Variants in IGHMBP2 observed in about 807,000 individuals in gnomAD.
The protein encoded by IGHMBP2 is DNA-binding protein SMUBP-2.
Under a neutral mutation model 96.0 loss-of-function variants are expected in IGHMBP2, and 81 were observed. That is an observed-to-expected ratio of 0.84 (90% CI 0.71 to 1.01). IGHMBP2 has a LOEUF of 1.01. IGHMBP2 is among the 50% of genes least tolerant of loss of function. The pLI, the probability that IGHMBP2 is intolerant of heterozygous loss-of-function variation, is 0.00. For missense variants in IGHMBP2, 1,227 were observed against 1,306.3 expected, an observed-to-expected ratio of 0.94 and a Z score of 0.94; for synonymous variants, 557 against 548.9, an observed-to-expected ratio of 1.01 and a Z score of -0.21.
rs370988994 is a variant in IGHMBP2 at position 68,914,979 on chromosome 11, G to A, written c.868G>A (p.Ala290Thr). 2.5e-6 allele frequency: 4 copies of A among 1,614,102 alleles called. No individual in the cohort carries two copies. The highest frequency in any genetic ancestry group is 3.4e-6 in the Non-Finnish European group (4 of 1,180,030). Residue 290 changes from alanine to threonine, a missense_variant, in exon 6 of 15, where the codon GCC becomes ACC. Around this residue, in one of 3 missense-constraint regions of IGHMBP2, gnomAD observed 507 missense variants for 496.9 expected, o/e 1.02. Coordinates refer to ENST00000255078, the MANE Select transcript of IGHMBP2 (RefSeq NM_002180.3). ...TGCGGTTTTAGCGCGGAGCGACAGTGCCCAGATTGTTGCAGATATCAGGAA... is the reference window on the plus strand; with the variant it reads ...TGCGGTTTTAGCGCGGAGCGACAGTACCCAGATTGTTGCAGATATCAGGAA... The part of the protein sequence containing the change: ...LDAVLARSDS[A>T]QIVADIRKDI...
chr11:68,908,168 G>A lies in IGHMBP2; in HGVS notation c.280G>A (p.Ala94Thr). 3 of 1,614,024 alleles carry A rather than the reference G, an allele frequency of 1.9e-6. No homozygotes were observed. The highest frequency in any genetic ancestry group is 1.6e-4 in the Middle Eastern group (1 of 6,062). ...TSGDIVGLYD[A>T]ANEGSQLATG... ...AGGTGATATCGTGGGCCTGTACGAT[G>A]CTGCTAATGAGGGCAGTCAGCTGGC... The change falls in exon 3 of 15, where the codon GCT becomes ACT. Residue 94 changes from alanine (A) to threonine (T), a missense_variant. Physicochemically the swap from Ala to Thr is moderately conservative, Grantham distance 58. This residue lies in a region of IGHMBP2 where 507 missense variants were observed against 496.9 expected (regional missense o/e 1.02). Coordinates refer to ENST00000255078, the MANE Select transcript of IGHMBP2 (RefSeq NM_002180.3).
rs1859395264 is a variant in IGHMBP2, at chr11:68,933,429, A to G, written c.1366A>G (p.Met456Val). 1 of 1,613,218 alleles carries G rather than the reference A, an allele frequency of 6.2e-7. No homozygotes were observed. The highest frequency in any genetic ancestry group is 1.7e-5 in the Admixed American group (1 of 59,972). ...TATCATGCGCTGGGCCTCAGACACC[A>G]TGTACCTTGGGCAGCTCACAGCCCA... ...QAIMRWASDTMYLGQLTAHSS... is the reference protein window; with the variant it reads ...QAIMRWASDTVYLGQLTAHSS... The change falls in exon 9 of 15, where the codon ATG (methionine) becomes GTG (valine). Residue 456 changes from methionine (M) to valine (V), a missense_variant. Met to Val is a conservative substitution (Grantham distance 21, BLOSUM62 1). Transcript: ENST00000255078.
In IGHMBP2 at chr11:68,903,903, C is replaced by T; in HGVS notation, c.-50C>T. ...ACACCGGTCCGCTGTAACACCGGCC[C>T]GGCGCAGAAGCGGGACGTCGGCTTC... On this transcript the variant is annotated 5_prime_UTR_variant, in exon 1 of 15. Transcript: ENST00000255078. 1.9e-6 allele frequency: 3 copies of T among 1,606,570 alleles called. No homozygotes were observed. Among genetic ancestry groups the T allele is most frequent in the Non-Finnish European group, 1.7e-6 (2 of 1,175,990 alleles).
At chr11:68,930,572 G>A in intron 8 of IGHMBP2, 1 of 1,149,822 alleles carries the variant, frequency 8.7e-7, no homozygotes, top group Non-Finnish European at 1.1e-6. Context: ...GACACATGGG[G>A]ATCTAGAGTG....
At position 68,903,988 on chromosome 11, in the gene IGHMBP2, G is replaced by A; in HGVS notation, c.36G>A (p.Lys12=). Residue 12 remains lysine, a synonymous_variant, in exon 1 of 15, where the codon AAG becomes AAA. Coordinates refer to ENST00000255078, the MANE Select transcript of IGHMBP2 (RefSeq NM_002180.3). ...ASAAVESFVT[K]QLDLLELERD... is the part of the protein sequence containing the mutation. The stretch of plus-strand genomic sequence containing the variant: ...CAGCTGTGGAGAGCTTCGTGACCAA[G>A]CAACTGGACCTGCTGGAGCTTGAGA... 1.3e-6 allele frequency: 2 copies of A among 1,553,274 alleles called. No individual in the cohort carries two copies. Among genetic ancestry groups the A allele is most frequent in the Non-Finnish European group, 1.7e-6 (2 of 1,148,350 alleles).
Position 68,914,866 on chromosome 11 carries a change from T to C in IGHMBP2, c.755T>C (p.Val252Ala). ...APSNIAVDNL[V>A]ERLALCKQRI... The stretch of plus-strand genomic sequence containing the variant: ...TCCAACATCGCCGTGGACAATCTGG[T>C]GGAGCGCCTGGCTCTGTGTAAGCAG... Residue 252 changes from valine (V) to alanine (A), a missense_variant, in exon 6 of 15, where the codon GTG (valine) becomes GCG (alanine). Coordinates refer to ENST00000255078, the MANE Select transcript of IGHMBP2 (RefSeq NM_002180.3). 1 of 1,614,258 alleles carries C rather than the reference T, an allele frequency of 6.2e-7. No individual in the cohort carries two copies.
chr11:68,915,248 C>T (rs1166347673), intron 6 of IGHMBP2, among the ~76,000 whole-genome samples: 16 of 127,008 alleles, frequency 1.3e-4, no homozygotes, highest in Non-Finnish European at 2.0e-4. Context: ...GGTGCAATCT[C>T]GGCTCACTGC....
intron 13 of IGHMBP2, chr11:68,937,674 G>A (rs575138933): frequency 6.4e-5 from 15 of 234,244 alleles, no homozygotes; most frequent in Admixed American, 4.1e-4. Flanking sequence ...CTGGCAGAGC[G>A]TGTAGCGGTC....
chr11:68,937,963 T>C (rs955455872), intron 13 of IGHMBP2: 2 of 590,228 alleles, frequency 3.4e-6, no homozygotes, highest in East Asian at 5.8e-5. Flanking sequence ...GCTTTTTAAT[T>C]TTTTTTAGAA....
Position 68,940,010 on chromosome 11 carries a change from C to T in IGHMBP2, c.*279C>T. On this transcript the variant is annotated 3_prime_UTR_variant, in exon 15 of 15. Transcript: ENST00000255078. Reference sequence around the variant, plus strand: ...TTACTCCCCGCCAAAACCCACATCCCAGCCTCTGGATCCTGGGGAAGGTTC... The same window carrying T: ...TTACTCCCCGCCAAAACCCACATCCTAGCCTCTGGATCCTGGGGAAGGTTC... 2.1e-6 allele frequency: 1 copy of T among 484,224 alleles called. No homozygotes were observed. The allele number at this position is 484,224 out of a possible 1,614,324, so 30.0% of individuals were successfully genotyped here.
chr11:68,904,619 G>A (rs1858103165), intron 1 of IGHMBP2, among the ~76,000 whole-genome samples: 1 of 152,046 alleles, frequency 6.6e-6, no homozygotes, highest in Non-Finnish European at 1.5e-5. Flanking sequence ...GGTGGGTGCG[G>A]AGTAGGGTGG....
At chr11:68,910,342 T>C (rs979207996) in intron 4 of IGHMBP2, among the ~76,000 whole-genome samples, 4 of 152,268 alleles carry the variant, frequency 2.6e-5, no homozygotes, top group African/African-American at 9.6e-5. Flanking sequence ...ATGTATTTAC[T>C]GTGTCTTAGG....
chr11:68,938,001 A>C, intron 13 of IGHMBP2, 181 bp from the exon 14 acceptor site: 1 of 677,244 alleles, frequency 1.5e-6, no homozygotes, highest in Non-Finnish European at 2.7e-6. Context: ...TCACTCTGTC[A>C]CTATGTTGCC....
chr11:68,916,016 A>G (rs192312760), intron 6 of IGHMBP2, among the ~76,000 whole-genome samples: 1 of 151,934 alleles, frequency 6.6e-6, no homozygotes, highest in Non-Finnish European at 1.5e-5. Flanking sequence ...TCTACTAAAA[A>G]TACAAAAATT....
rs778808308 is a variant in IGHMBP2 at position 68,933,477 on chromosome 11, C to T, written c.1414C>T (p.Leu472=). ...CCACTCTTCCGTGGCAAGGCACCTC[C>T]TGAGGTGAGTAGCTCGGCACCACCC... is the stretch of plus-strand genomic sequence containing the variant. ...TAHSSVARHL[L]RDLPGVAATE... is the part of the protein sequence containing the mutation. The change falls in exon 9 of 15, where the codon CTG becomes TTG. Residue 472 remains leucine, a synonymous_variant. Transcript: ENST00000255078. 1 of 1,611,988 alleles carries T rather than the reference C, an allele frequency of 6.2e-7. No homozygotes were observed. Among genetic ancestry groups the T allele is most frequent in the South Asian group, 1.1e-5 (1 of 90,652 alleles).
intron 6 of IGHMBP2, among the ~76,000 whole-genome samples, chr11:68,916,975 CTTTTTTTTTTTTT>C (rs11418103): frequency 9.7e-6 from 1 of 103,348 alleles, no homozygotes; most frequent in Non-Finnish European, 1.8e-5. Flanking sequence ...AAGGTTACAT[CTTTTTTTTTTTTT>C]TTTTTTTTTT....
At chr11:68,907,984 C>A (rs111966002) in intron 2 of IGHMBP2, among the ~76,000 whole-genome samples, 161 bp from the exon 3 acceptor site, 1 of 142,176 alleles carries the variant, frequency 7.0e-6, no homozygotes, top group African/African-American at 2.6e-5. Flanking sequence ...CCACCGTGCC[C>A]GGCCTAACTT....
In IGHMBP2 at chr11:68,939,855, G is replaced by A; in HGVS notation, c.*124G>A. 6.7e-6 allele frequency: 7 copies of A among 1,051,578 alleles called. No homozygotes were observed. In the South Asian group the frequency reaches 1.2e-4, roughly 17 times the overall value. The allele number at this position is 1,051,578 out of a possible 1,614,324, so 65.1% of individuals were successfully genotyped here. On this transcript the variant is annotated 3_prime_UTR_variant, in exon 15 of 15. Transcript: ENST00000255078. ...GGGGCCTATGGGGGAGGAGCGGAGG[G>A]CCCTGTTGGGGAAGGTTGGGTTTTT... is the stretch of plus-strand genomic sequence containing the variant.
chr11:68,935,553 A>AC, intron 12 of IGHMBP2, 131 bp downstream of exon 12: 1 of 1,108,928 alleles, frequency 9.0e-7, no homozygotes, highest in Non-Finnish European at 1.3e-6. Flanking sequence ...TTCTGTCCTT[A>AC]GTAAGTTCAC....
Sources: gnomAD v4.1 joint callset for allele counts (sites outside exome capture counted in the v4.1 genomes callset) on GRCh38, gnomAD v4.1.1 for gene constraint, gnomAD v4.1.1 regional missense constraint, MANE v1.5 for transcripts, NCBI Gene and HGNC (gene_info 2026-07-23, HGNC 2026-07-21) for gene names.